Variants in SGPP1 observed in about 807,000 individuals in gnomAD.
SGPP1 encodes the protein hSPP1.
SGPP1 carries 21 observed loss-of-function variants against 33.0 expected under a neutral mutation model. The ratio of observed to expected loss-of-function variants is 0.64; its 90% CI spans 0.45 to 0.92. SGPP1 has a LOEUF of 0.92. SGPP1 is among the 40% of genes least tolerant of loss of function. The probability of loss-of-function intolerance (pLI) is 0.00; values close to 1 mark genes in which losing one functional copy is unlikely to be tolerated. For synonymous variants in SGPP1, 239 were observed against 241.2 expected, an observed-to-expected ratio of 0.99 and a Z score of 0.08; for missense variants, 543 against 589.4, an observed-to-expected ratio of 0.92 and a Z score of 0.81.
intron 2 of SGPP1, among the ~76,000 whole-genome samples, chr14:63,695,590 TTTAACC>T (rs1885171881): frequency 6.6e-6 from 1 of 152,158 alleles, no homozygotes. Flanking sequence ...ACAAACAGTT[TTTAACC>T]TAACAATAAC....
intron 1 of SGPP1, among the ~76,000 whole-genome samples, chr14:63,726,751 T>G (rs113172270): frequency 2.0e-5 from 3 of 152,208 alleles, no homozygotes; most frequent in African/African-American, 4.8e-5. Context: ...TGAAAATCGA[T>G]TACTTCATTG....
chr14:63,703,655 CAA>C (rs36065588), intron 1 of SGPP1, among the ~76,000 whole-genome samples: 1,003 of 38,786 alleles, frequency 0.026, 5 homozygotes, highest in African/African-American at 0.068. Flanking sequence ...GACTCCATCT[CAA>C]AAAAAAAAAA....
At position 63,684,369 on chromosome 14, in the gene SGPP1, G is replaced by A. The variant is rs1238769853; in HGVS notation, c.*1736C>T. On this transcript the variant is annotated 3_prime_UTR_variant, in exon 3 of 3. Transcript: ENST00000247225. ...AGCATAGGCCCAAATTATGGGAAACGGTCCCTAAAATTCAATTCATTAAAC... is the reference window on the plus strand; with the variant it reads ...AGCATAGGCCCAAATTATGGGAAACAGTCCCTAAAATTCAATTCATTAAAC... 6.6e-6 allele frequency: 1 copy of A among 151,978 alleles called. No homozygotes were observed. Among genetic ancestry groups the A allele is most frequent in the African/African-American group, 2.4e-5 (1 of 41,406 alleles). The allele number at this position is 151,978 out of a possible 1,614,324, so 9.4% of individuals were successfully genotyped here.
chr14:63,699,988 G>C (rs537173728), intron 1 of SGPP1, among the ~76,000 whole-genome samples: 42 of 151,556 alleles, frequency 2.8e-4, no homozygotes, highest in Middle Eastern at 3.4e-3. Context: ...TTTGAGACAG[G>C]GTCTTACTCT....
chr14:63,727,723 A>G lies in SGPP1; in HGVS notation c.222T>C (p.Asn74=). The G allele has an allele frequency of 2.1e-6, 3 of 1,434,376 alleles. No individual in the cohort carries two copies. Among genetic ancestry groups the G allele is most frequent in the Middle Eastern group, 2.3e-4 (1 of 4,340 alleles). 88.9% of individuals were successfully genotyped at this position (1,434,376 alleles called of 1,614,324 possible). Residue 74 remains asparagine, a synonymous_variant, in exon 1 of 3, where the codon AAT becomes AAC. Transcript: ENST00000247225. ...GGPQPPGSDR[N]QCPAKPDGGG... ...CGCCGTCCGGCTTGGCCGGGCACTGATTGCGGTCGCTCCCGGGAGGCTGGG... is the reference window on the plus strand; with the variant it reads ...CGCCGTCCGGCTTGGCCGGGCACTGGTTGCGGTCGCTCCCGGGAGGCTGGG...
chr14:63,711,075 G>A lies in SGPP1; in HGVS notation c.685-12417C>T, dbSNP rs533374004. 2.1e-3 allele frequency among the ~76,000 whole-genome samples: 311 copies of A among 149,798 alleles called. 1 individual carries two copies. The highest frequency in any genetic ancestry group is 6.7e-3 in the African/African-American group (273 of 40,562). On this transcript the variant is annotated intron_variant, in intron 1 of 2. Transcript: ENST00000247225. ...GCTGCCCAGGCTGGAGTGCAATGGCGCGATCTTGGCTCACTGCAACCTCTG... is the reference window on the plus strand; with the variant it reads ...GCTGCCCAGGCTGGAGTGCAATGGCACGATCTTGGCTCACTGCAACCTCTG...
Position 63,727,747 on chromosome 14 carries a change from G to C in SGPP1, c.198C>G (p.Pro66=). 6.8e-7 allele frequency: 1 copy of C among 1,479,908 alleles called. No homozygotes were observed. The highest frequency in any genetic ancestry group is 8.9e-7 in the Non-Finnish European group (1 of 1,122,452). The allele number at this position is 1,479,908 out of a possible 1,614,324, so 91.7% of individuals were successfully genotyped here. Residue 66 remains proline (P), a synonymous_variant, in exon 1 of 3, where the codon CCC becomes CCG. Transcript: ENST00000247225. ...GATTGCGGTCGCTCCCGGGAGGCTG[G>C]GGGCCTCCAGGCGCCCCTGGCTGCC... The part of the protein sequence containing the change: ...RGRQPGAPGG[P]QPPGSDRNQC...
chr14:63,695,472 T>C (rs1008963153), intron 2 of SGPP1, among the ~76,000 whole-genome samples: 1 of 152,270 alleles, frequency 6.6e-6, no homozygotes, highest in Admixed American at 6.5e-5. Flanking sequence ...TTTTTGATTA[T>C]AAAAGCTATG....
intron 1 of SGPP1, among the ~76,000 whole-genome samples, chr14:63,709,374 C>CAA (rs1206188352): frequency 2.0e-4 from 17 of 87,078 alleles, no homozygotes; most frequent in Admixed American, 2.5e-4. Context: ...GTCTCTGTCT[C>CAA]AAAAAAAAAA....
At chr14:63,698,035 A>C (rs183167396) in intron 2 of SGPP1, among the ~76,000 whole-genome samples, 44 of 152,326 alleles carry the variant, frequency 2.9e-4, no homozygotes, top group Non-Finnish European at 4.4e-5. Context: ...GGCTGCAAAT[A>C]GTACAGGGTC....
chr14:63,723,725 A>G (rs563206692), intron 1 of SGPP1, among the ~76,000 whole-genome samples: 7 of 152,072 alleles, frequency 4.6e-5, no homozygotes, highest in Non-Finnish European at 7.4e-5. Context: ...TCTCAAAAAA[A>G]AAAAAAATTC....
In SGPP1 at chr14:63,686,664, A is replaced by G; in HGVS notation, c.775-8T>C. The G allele has an allele frequency of 1.3e-6, 2 of 1,567,538 alleles. No individual in the cohort carries two copies. Among genetic ancestry groups the G allele is most frequent in the Non-Finnish European group, 1.7e-6 (2 of 1,147,062 alleles). ...GAATCCAGCAATAATATCCTAGGAA[A>G]AGATAAAAGTATCGTTGTTTAGTAT... On this transcript the variant is annotated splice_region_variant and splice_polypyrimidine_tract_variant and intron_variant, in intron 2 of 2. Transcript: ENST00000247225.
At chr14:63,710,900 A>T (rs961309442) in intron 1 of SGPP1, among the ~76,000 whole-genome samples, 4 of 152,224 alleles carry the variant, frequency 2.6e-5, no homozygotes, top group African/African-American at 9.6e-5. Context: ...TTTACATCTC[A>T]GTTTCCTCAT....
chr14:63,699,977 T>C (rs912589951), intron 1 of SGPP1, among the ~76,000 whole-genome samples: 3 of 152,090 alleles, frequency 2.0e-5, no homozygotes, highest in African/African-American at 7.2e-5. Context: ...TTTTCCTTTT[T>C]TTTGAGACAG....
At chr14:63,702,758 GACT>G (rs1371265112) in intron 1 of SGPP1, among the ~76,000 whole-genome samples, 3 of 152,026 alleles carry the variant, frequency 2.0e-5, no homozygotes, top group African/African-American at 7.2e-5. Context: ...ATCCAGTTCT[GACT>G]ACATGATGAC....
Position 63,685,955 on chromosome 14 carries a change from T to C in SGPP1, c.*150A>G, listed in dbSNP as rs1884962773. ...AAAACAGTATCTGGATGTGCAATGA[T>C]AAAATGCACTGACTCTTATGAATTT... On this transcript the variant is annotated 3_prime_UTR_variant, in exon 3 of 3. Coordinates refer to ENST00000247225, the MANE Select transcript of SGPP1 (RefSeq NM_030791.4). 1.9e-6 allele frequency: 1 copy of C among 527,738 alleles called. No homozygotes were observed. The highest frequency in any genetic ancestry group is 3.1e-5 in the East Asian group (1 of 32,576). 32.7% of individuals were successfully genotyped at this position (527,738 alleles called of 1,614,324 possible).
Position 63,686,428 on chromosome 14 carries a change from C to T in SGPP1, c.1003G>A (p.Val335Ile). ...AATACTAGACCCATGTTATAAGTAA[C>T]ATGAGATCCACATGCAATTCCAGCA... The part of the protein sequence containing the change: ...SGAGIACGSH[V>I]TYNMGLVLDP... The change falls in exon 3 of 3, where the codon GTT (valine) becomes ATT (isoleucine). Residue 335 changes from valine (V) to isoleucine (I), a missense_variant. Transcript: ENST00000247225. 1 of 1,614,096 alleles carries T rather than the reference C, an allele frequency of 6.2e-7. No individual in the cohort carries two copies.
Position 63,727,206 on chromosome 14 carries a change from G to T in SGPP1, c.684+55C>A, listed in dbSNP as rs978312852. On this transcript the variant is annotated intron_variant, in intron 1 of 2. Transcript: ENST00000247225. ...TTAAAATAAATGCAGAGAGCAAAGA[G>T]AACTCCGAGTTCTTTGAACTCCCCC... is the stretch of plus-strand genomic sequence containing the variant. 8 of 1,519,570 alleles carry T rather than the reference G, an allele frequency of 5.3e-6. No individual in the cohort carries two copies. In the African/African-American group the frequency reaches 8.3e-5, roughly 16 times the overall value. 94.1% of individuals were successfully genotyped at this position (1,519,570 alleles called of 1,614,324 possible). A position where few individuals can be genotyped will look rare whatever the true frequency, so the allele number is the denominator to read the frequency against.
At chr14:63,720,055 G>T (rs777632770) in intron 1 of SGPP1, among the ~76,000 whole-genome samples, 2 of 151,416 alleles carry the variant, frequency 1.3e-5, no homozygotes, top group South Asian at 4.2e-4. Context: ...GAACCCAGGA[G>T]GGGGAGGTTG....
Sources: allele counts gnomAD v4.1 joint callset (sites outside exome capture counted in the v4.1 genomes callset), GRCh38; gene constraint gnomAD v4.1.1; transcripts MANE v1.5; gene names NCBI Gene and HGNC (gene_info 2026-07-23, HGNC 2026-07-21).